CLASRP: variants seen among roughly 807,000 people sequenced by gnomAD.
The protein encoded by CLASRP is CLK4 associating serine/arginine rich protein.
CLASRP carries 52 observed loss-of-function variants against 99.9 expected under a neutral mutation model. That is an observed-to-expected ratio of 0.52 (90% CI 0.42 to 0.66). The LOEUF (loss-of-function observed/expected upper bound fraction) is 0.66. Among genes scored for constraint, CLASRP ranks in the 30% least tolerant of loss-of-function variants. The pLI is 0.00. For synonymous variants in CLASRP, 379 were observed against 373.0 expected, an observed-to-expected ratio of 1.02 and a Z score of -0.18; for missense variants, 848 against 999.2, an observed-to-expected ratio of 0.85 and a Z score of 2.04.
chr19:45,040,385 T>C, intron 2 of CLASRP, 74 bp downstream of exon 2: 1 of 1,043,178 alleles, frequency 9.6e-7, no homozygotes, highest in Non-Finnish European at 1.5e-6. Context: ...TGGTAAAATC[T>C]GGGCTTGGAA....
At chr19:45,047,515 C>T (rs990655506) in intron 2 of CLASRP, 4 of 151,226 alleles carry the variant, frequency 2.6e-5, no homozygotes, top group Non-Finnish European at 4.4e-5. Flanking sequence ...TTAGCATGGC[C>T]ACTGTGCAAG....
Position 45,070,006 on chromosome 19 carries a change from T to A in CLASRP, c.1875-16T>A, listed in dbSNP as rs1421060851. The A allele has an allele frequency of 6.7e-7, 1 of 1,486,758 alleles. No homozygotes were observed. The highest frequency in any genetic ancestry group is 9.4e-7 in the Non-Finnish European group (1 of 1,064,222). 92.1% of individuals were successfully genotyped at this position (1,486,758 alleles called of 1,614,324 possible). On this transcript the variant is annotated splice_polypyrimidine_tract_variant and intron_variant, in intron 18 of 20. Coordinates refer to ENST00000221455, the MANE Select transcript of CLASRP (RefSeq NM_007056.3). ...TCCAGTGTTCCCGGCCAGATGCTCA[T>A]GCCATGCCTTCGCAGGGAGCGGGAA...
intron 13 of CLASRP, among the ~76,000 whole-genome samples, 194 bp downstream of exon 13, chr19:45,064,824 G>A (rs1482625056): frequency 6.6e-6 from 1 of 152,212 alleles, no homozygotes; most frequent in African/African-American, 2.4e-5. Flanking sequence ...GTTTGCGTGC[G>A]CGTTCTGGTG....
Position 45,064,501 on chromosome 19 carries a change from C to T in CLASRP, c.1280C>T (p.Ser427Phe), listed in dbSNP as rs1328687487. ...TCCCGCTCCTGGTCCCGCTCCCGCTCCCGCTCCCGGCGCTATTCCCGGTCC... is the reference window on the plus strand; with the variant it reads ...TCCCGCTCCTGGTCCCGCTCCCGCTTCCGCTCCCGGCGCTATTCCCGGTCC... ...SRSRSWSRSR[S>F]RSRRYSRSRS... Residue 427 changes from serine (S) to phenylalanine (F), a missense_variant, in exon 13 of 21, where the codon TCC (serine) becomes TTC (phenylalanine). Coordinates refer to ENST00000221455, the MANE Select transcript of CLASRP (RefSeq NM_007056.3). 6.5e-7 allele frequency: 1 copy of T among 1,536,816 alleles called. No homozygotes were observed. Among genetic ancestry groups the T allele is most frequent in the South Asian group, 1.2e-5 (1 of 83,962 alleles).
At position 45,064,364 on chromosome 19, in the gene CLASRP, C is replaced by G. The variant is rs761556342; in HGVS notation, c.1143C>G (p.Ser381=). 12 of 1,533,752 alleles carry G rather than the reference C, an allele frequency of 7.8e-6. No homozygotes were observed. The highest frequency in any genetic ancestry group is 4.8e-5 in the South Asian group (4 of 83,748). ...GCAGCCGCCGCTCCTCCTCCTCCTC[C>G]TCCTCCTCTTCTGCCTCGAGGACCT... The part of the protein sequence containing the change: ...ASARRRSSSS[S]SSSSASRTSS... Residue 381 remains serine (S), a synonymous_variant, in exon 13 of 21, where the codon TCC becomes TCG. Coordinates refer to ENST00000221455, the MANE Select transcript of CLASRP (RefSeq NM_007056.3).
At position 45,043,887 on chromosome 19, in the gene CLASRP, C is replaced by CT. The variant is rs971842667; in HGVS notation, c.99+3588dup. 5.0e-3 allele frequency among the ~76,000 whole-genome samples: 731 copies of CT among 146,158 alleles called. 4 individuals carry two copies. Among genetic ancestry groups the CT allele is most frequent in the African/African-American group, 0.016 (632 of 40,132 alleles). On this transcript the variant is annotated intron_variant, in intron 2 of 20. Transcript: ENST00000221455. The stretch of plus-strand genomic sequence containing the variant: ...ACAGCACTCAGGAATGAATAGCTAC[C>CT]TTTTTTTTTTTTGAGATGGAGTCTG...
Position 45,064,498 on chromosome 19 carries a change from G to C in CLASRP, c.1277G>C (p.Arg426Pro), listed in dbSNP as rs974206088. 1 of 1,536,302 alleles carries C rather than the reference G, an allele frequency of 6.5e-7. No homozygotes were observed. The highest frequency in any genetic ancestry group is 1.2e-5 in the South Asian group (1 of 83,950). Residue 426 changes from arginine to proline, a missense_variant, in exon 13 of 21, where the codon CGC becomes CCC. By Grantham distance (103) the Arg-to-Pro change is moderately radical. Transcript: ENST00000221455. The part of the protein sequence containing the change: ...RSRSRSWSRS[R>P]SRSRRYSRSR... ...CGGTCCCGCTCCTGGTCCCGCTCCC[G>C]CTCCCGCTCCCGGCGCTATTCCCGG...
At chr19:45,054,252 G>A (rs775058784) in intron 5 of CLASRP, among the ~76,000 whole-genome samples, 1 of 151,956 alleles carries the variant, frequency 6.6e-6, no homozygotes, top group African/African-American at 2.4e-5. Context: ...CCGTTTTGGG[G>A]TTTTTTGTTT....
rs11667851 is a variant in CLASRP at position 45,052,872 on chromosome 19, C to T, written c.279C>T (p.Thr93=). Residue 93 remains threonine (T), a synonymous_variant, in exon 4 of 21, where the codon ACC becomes ACT. Coordinates refer to ENST00000221455, the MANE Select transcript of CLASRP (RefSeq NM_007056.3). The part of the protein sequence containing the change: ...RAHLDHIPDY[T]PPLLTTISPE... ...ACCTGGACCACATCCCCGACTACACCCCCCCTCTGCTCACCACCATGTAAG... is the reference window on the plus strand; with the variant it reads ...ACCTGGACCACATCCCCGACTACACTCCCCCTCTGCTCACCACCATGTAAG... 6.7e-3 allele frequency: 10,813 copies of T among 1,610,216 alleles called. 54 individuals are homozygous for T. Among genetic ancestry groups the T allele is most frequent in the Admixed American group, 9.6e-3 (566 of 58,860 alleles).
intron 2 of CLASRP, among the ~76,000 whole-genome samples, chr19:45,043,443 A>G (rs959917401): frequency 2.0e-5 from 3 of 147,820 alleles, no homozygotes; most frequent in Non-Finnish European, 4.5e-5. Context: ...AATTTTTTCC[A>G]TTCATACGTA....
At chr19:45,040,457 A>G (rs868005684) in intron 2 of CLASRP, 146 bp downstream of exon 2, 26 of 588,228 alleles carry the variant, frequency 4.4e-5, no homozygotes, top group South Asian at 3.6e-4. Flanking sequence ...TCTTGAGGAT[A>G]ATCATTGGTG....
chr19:45,068,142 G>T (rs1967136379), intron 15 of CLASRP, 88 bp downstream of exon 15: 1 of 1,254,786 alleles, frequency 8.0e-7, no homozygotes. Context: ...GGGGGGCCCG[G>T]GTGGGCTGGG....
At chr19:45,055,789 C>T (rs567744732) in intron 5 of CLASRP, among the ~76,000 whole-genome samples, 99 of 152,050 alleles carry the variant, frequency 6.5e-4, no homozygotes, top group African/African-American at 2.2e-3. Flanking sequence ...GCCAAGATCG[C>T]GCCATTGCAC....
At chr19:45,048,053 C>A (rs1971954058) in intron 2 of CLASRP, among the ~76,000 whole-genome samples, 1 of 151,710 alleles carries the variant, frequency 6.6e-6, no homozygotes, top group East Asian at 2.0e-4. Flanking sequence ...CCAGCCTGGG[C>A]AACAAGAGTG....
At chr19:45,062,004 G>A (rs1966949355) in intron 10 of CLASRP, 150 bp from the exon 11 acceptor site, 1 of 645,428 alleles carries the variant, frequency 1.5e-6, no homozygotes, top group African/African-American at 1.8e-5. Context: ...GTGGGTGGAG[G>A]AATTAAGGGG....
At chr19:45,063,195 A>T (rs1313391623) in intron 11 of CLASRP, among the ~76,000 whole-genome samples, 1 of 151,324 alleles carries the variant, frequency 6.6e-6, no homozygotes, top group East Asian at 1.9e-4. Flanking sequence ...AAATATTGAG[A>T]TGGGGCTCAC....
rs895558304 is a variant in CLASRP, at chr19:45,051,976, AAAG to A, written c.100-91_100-89del. ...GAGTGAGGCTCCATCTCAAAAAAAA[AAAG>A]AAGTGAGCTTGCTGCTAAGCTCGGT... On this transcript the variant is annotated intron_variant, in intron 2 of 20. Coordinates refer to ENST00000221455, the MANE Select transcript of CLASRP (RefSeq NM_007056.3). 1,046 of 942,068 alleles carry A rather than the reference AAAG, an allele frequency of 1.1e-3. 3 individuals carry two copies. Among genetic ancestry groups the A allele is most frequent in the Non-Finnish European group, 8.0e-4 (485 of 608,058 alleles). 58.4% of individuals were successfully genotyped at this position (942,068 alleles called of 1,614,324 possible).
chr19:45,045,386 G>A (rs192704583), intron 2 of CLASRP, among the ~76,000 whole-genome samples: 2 of 152,098 alleles, frequency 1.3e-5, no homozygotes, highest in South Asian at 2.1e-4. Flanking sequence ...GCATGATGGC[G>A]TGCATCTGTG....
At chr19:45,052,021 G>A in intron 2 of CLASRP, 50 bp from the exon 3 acceptor site, 1 of 1,427,658 alleles carries the variant, frequency 7.0e-7, no homozygotes, top group Non-Finnish European at 9.8e-7. Flanking sequence ...TGAGGGGGTG[G>A]GGTTTGGAGC....
Sources: gnomAD v4.1 joint callset for allele counts (sites outside exome capture counted in the v4.1 genomes callset) on GRCh38, gnomAD v4.1.1 for gene constraint, MANE v1.5 for transcripts, NCBI Gene and HGNC (gene_info 2026-07-23, HGNC 2026-07-21) for gene names.